Variants in TRABD2A observed in about 807,000 individuals in gnomAD.
TRABD2A encodes the protein metalloprotease TIKI1.
A neutral mutation model predicts 45.6 loss-of-function variants in TRABD2A; 43 were observed. That is an observed-to-expected ratio of 0.94 (90% CI 0.74 to 1.22). The LOEUF is 1.22. TRABD2A is among the 50% of genes most tolerant of loss of function. The probability of loss-of-function intolerance (pLI) is 0.00; values close to 1 mark genes in which losing one functional copy is unlikely to be tolerated. For synonymous variants in TRABD2A, 269 were observed against 265.0 expected (o/e 1.02, Z -0.15); for missense variants, 642 against 652.4 (o/e 0.98, Z 0.17).
At chr2:84,865,577 A>G (rs1682649066) in intron 2 of TRABD2A, among the ~76,000 whole-genome samples, 2 of 152,230 alleles carry the variant, frequency 1.3e-5, no homozygotes, top group Admixed American at 1.3e-4. Context: ...GACAAGAAAG[A>G]GCCCAAGCCA....
intron 6 of TRABD2A, among the ~76,000 whole-genome samples, chr2:84,822,865 CCT>C: frequency 6.6e-6 from 1 of 152,316 alleles, no homozygotes; most frequent in South Asian, 2.1e-4. Context: ...TCCGTGTTTA[CCT>C]CTCTGGACAC....
intron 2 of TRABD2A, among the ~76,000 whole-genome samples, chr2:84,867,738 A>G (rs1373067790): frequency 6.6e-6 from 1 of 152,242 alleles, no homozygotes; most frequent in Non-Finnish European, 1.5e-5. Flanking sequence ...CAAATTTACA[A>G]GAAAAAAACA....
At chr2:84,852,807 C>T (rs1682141485) in intron 2 of TRABD2A, among the ~76,000 whole-genome samples, 1 of 152,130 alleles carries the variant, frequency 6.6e-6, no homozygotes, top group African/African-American at 2.4e-5. Context: ...CCAGAGCCTC[C>T]TGGGCCAATG....
intron 2 of TRABD2A, among the ~76,000 whole-genome samples, chr2:84,845,448 T>G (rs961959915): frequency 1.3e-5 from 2 of 152,158 alleles, no homozygotes; most frequent in African/African-American, 4.8e-5. Flanking sequence ...ACACAATCCC[T>G]GGTGGAAGAT....
intron 2 of TRABD2A, among the ~76,000 whole-genome samples, chr2:84,847,486 T>C (rs549094185): frequency 1.3e-5 from 2 of 152,250 alleles, no homozygotes; most frequent in South Asian, 4.2e-4. Flanking sequence ...TTAAGTCACC[T>C]CACATGAATC....
In TRABD2A at chr2:84,824,258, C is replaced by T. The variant is rs968975254; in HGVS notation, c.1083-54G>A. ...TGGAGGAGGGTCACACAGCATGGCG[C>T]CCTCCCCAGCTCTCTTACACCTCAG... On this transcript the variant is annotated intron_variant, in intron 5 of 6. Transcript: ENST00000409520. The T allele has an allele frequency of 2.5e-6, 4 of 1,601,132 alleles. No individual in the cohort carries two copies. The South Asian group carries it at 4.5e-5, about 18-fold the overall frequency.
At chr2:84,850,214 GA>G (rs543808158) in intron 2 of TRABD2A, among the ~76,000 whole-genome samples, 2 of 152,052 alleles carry the variant, frequency 1.3e-5, no homozygotes, top group South Asian at 2.1e-4. Flanking sequence ...AATCCCCTGG[GA>G]AAAAAAGGAC....
At chr2:84,825,725 G>A (rs1035597433) in intron 5 of TRABD2A, among the ~76,000 whole-genome samples, 1 of 152,158 alleles carries the variant, frequency 6.6e-6, no homozygotes, top group Non-Finnish European at 1.5e-5. Context: ...CTAGTCTGTG[G>A]CCTGTTAGGA....
intron 2 of TRABD2A, among the ~76,000 whole-genome samples, chr2:84,865,658 C>T (rs1446795424): frequency 6.6e-6 from 1 of 152,194 alleles, no homozygotes; most frequent in Admixed American, 6.5e-5. Context: ...TCCTGCCCCA[C>T]CCCACCACGA....
At chr2:84,877,099 C>T (rs925875900) in intron 1 of TRABD2A, among the ~76,000 whole-genome samples, 1 of 152,118 alleles carries the variant, frequency 6.6e-6, no homozygotes, top group African/African-American at 2.4e-5. Flanking sequence ...CACCAATAAC[C>T]ATTCCTGTGG....
intron 2 of TRABD2A, among the ~76,000 whole-genome samples, chr2:84,850,446 A>T (rs1002179856): frequency 3.9e-5 from 6 of 152,096 alleles, no homozygotes; most frequent in African/African-American, 1.4e-4. Context: ...CTGACAGAGT[A>T]GCTCTTGGGT....
chr2:84,839,547 C>T (rs1681638810), intron 3 of TRABD2A, among the ~76,000 whole-genome samples: 1 of 151,796 alleles, frequency 6.6e-6, no homozygotes, highest in Non-Finnish European at 1.5e-5. Context: ...AACTCTTACA[C>T]TATTTACAAC....
At chr2:84,865,811 T>A (rs1682657286) in intron 2 of TRABD2A, among the ~76,000 whole-genome samples, 1 of 152,148 alleles carries the variant, frequency 6.6e-6, no homozygotes, top group South Asian at 2.1e-4. Flanking sequence ...GCAAGACCAT[T>A]TCTCTAGGGG....
intron 2 of TRABD2A, among the ~76,000 whole-genome samples, chr2:84,856,725 C>A (rs778759702): frequency 3.5e-4 from 53 of 152,098 alleles, no homozygotes; most frequent in Non-Finnish European, 6.9e-4. Flanking sequence ...GTCTTCTGCT[C>A]GCTTTGGTCA....
chr2:84,854,379 A>G lies in TRABD2A; in HGVS notation c.670-12372T>C, dbSNP rs574454086. Among the ~76,000 whole-genome samples, 4 of 152,358 alleles carry G rather than the reference A, an allele frequency of 2.6e-5. No homozygotes were observed. In the South Asian group the frequency reaches 8.3e-4, roughly 32 times the overall value. ...GTGGATGGAGCAAAAGCAACAGCAA[A>G]CTTACCAAAACATTATGCACTGGGC... On this transcript the variant is annotated intron_variant, in intron 2 of 6. Transcript: ENST00000409520.
chr2:84,856,281 A>G (rs1468450946), intron 2 of TRABD2A, among the ~76,000 whole-genome samples: 1 of 151,726 alleles, frequency 6.6e-6, no homozygotes, highest in African/African-American at 2.4e-5. Flanking sequence ...TCTCAGGCTC[A>G]TTTTCTACCT....
chr2:84,824,612 C>G (rs1034360104), intron 5 of TRABD2A, among the ~76,000 whole-genome samples: 1 of 146,532 alleles, frequency 6.8e-6, no homozygotes, highest in African/African-American at 2.5e-5. Flanking sequence ...GTGCAGTGGC[C>G]CAATCATAGC....
At chr2:84,868,521 T>TAGTTAATTAAC (rs1559097629) in intron 2 of TRABD2A, among the ~76,000 whole-genome samples, 2,303 of 151,958 alleles carry the variant, frequency 0.015, 54 homozygotes, top group African/African-American at 0.053. Context: ...AATTAGTTAA[T>TAGTTAATTAAC]TAGTTAACTA....
At position 84,848,328 on chromosome 2, in the gene TRABD2A, T is replaced by TGATAGATACATA. The variant is rs1372974431; in HGVS notation, c.670-6322_670-6321insTATGTATCTATC. 9.2e-3 allele frequency among the ~76,000 whole-genome samples: 1,172 copies of TGATAGATACATA among 126,768 alleles called. 3 individuals are homozygous for TGATAGATACATA. The highest frequency in any genetic ancestry group is 0.015 in the Middle Eastern group (4 of 260). The allele number at this position is 126,768 out of a possible 152,430, so 83.2% of individuals were successfully genotyped here. ...CATGGATGCTGTCTGCACATAAAAATGATAGATAGATAGATAGATAGATAG... is the reference window on the plus strand; with the variant it reads ...CATGGATGCTGTCTGCACATAAAAATGATAGATACATAGATAGATAGATAGATAGATAGATAG... On this transcript the variant is annotated intron_variant, in intron 2 of 6. Coordinates refer to ENST00000409520, the MANE Select transcript of TRABD2A (RefSeq NM_001277053.2).
Sources: gnomAD v4.1 joint callset for allele counts (sites outside exome capture counted in the v4.1 genomes callset) on GRCh38, gnomAD v4.1.1 for gene constraint, MANE v1.5 for transcripts, NCBI Gene and HGNC (gene_info 2026-07-23, HGNC 2026-07-21) for gene names.